The following RPSA2 variants were observed in gnomAD, a reference collection of about 807,000 sequenced individuals.
RPSA2 encodes ribosomal protein SA 2, also known as small ribosomal subunit protein uS2B.
At chr19:23,804,641 C>G in the RPSA2 span, among the ~76,000 whole-genome samples, 4 of 152,140 alleles carry the variant, frequency 2.6e-5, no homozygotes, top group East Asian at 7.7e-4. Context: ...CCAGAGAGAG[C>G]GACATCAGCA....
At chr19:23,818,244 A>AG in the RPSA2 span, 1 of 152,166 alleles carries the variant, frequency 6.6e-6, no homozygotes, top group Admixed American at 6.5e-5. Flanking sequence ...GTTTTTGACA[A>AG]GGAGGGGTAA....
At chr19:23,758,747 C>A in the RPSA2 span, 13 of 1,614,234 alleles carry the variant, frequency 8.1e-6, no homozygotes, top group South Asian at 1.3e-4. Context: ...ACATTCTCAC[C>A]ATTTCTAGGT....
At chr19:23,779,884 C>T in the RPSA2 span, among the ~76,000 whole-genome samples, 1 of 152,140 alleles carries the variant, frequency 6.6e-6, no homozygotes, top group Non-Finnish European at 1.5e-5. Flanking sequence ...AATTGTAACA[C>T]GTCACTGGTT....
At chr19:23,848,197 T>C in the RPSA2 span, among the ~76,000 whole-genome samples, 1 of 152,196 alleles carries the variant, frequency 6.6e-6, no homozygotes, top group Non-Finnish European at 1.5e-5. Flanking sequence ...TGGGAAGTGA[T>C]AAATATCCAT....
At chr19:23,790,126 G>C in the RPSA2 span, among the ~76,000 whole-genome samples, 1 of 151,990 alleles carries the variant, frequency 6.6e-6, no homozygotes, top group East Asian at 1.9e-4. Context: ...AGTCTCCTGA[G>C]TAGCTGGGAT....
chr19:23,826,688 T>C, the RPSA2 span, among the ~76,000 whole-genome samples: 5 of 151,800 alleles, frequency 3.3e-5, no homozygotes, highest in Admixed American at 3.3e-4. Context: ...TATTCCAGAA[T>C]ATATATATAT....
the RPSA2 span, among the ~76,000 whole-genome samples, chr19:23,852,444 G>A: frequency 6.6e-6 from 1 of 152,126 alleles, no homozygotes; most frequent in Non-Finnish European, 1.5e-5. Context: ...ATTTACCTAC[G>A]TATTTACTAA....
At chr19:23,851,239 A>C in the RPSA2 span, among the ~76,000 whole-genome samples, 2 of 152,182 alleles carry the variant, frequency 1.3e-5, no homozygotes, top group Non-Finnish European at 2.9e-5. Context: ...GATTAATACC[A>C]GGTTCCTGAT....
At chr19:23,868,602 A>G in the RPSA2 span, among the ~76,000 whole-genome samples, 2 of 152,258 alleles carry the variant, frequency 1.3e-5, no homozygotes, top group Non-Finnish European at 2.9e-5. Context: ...CCTTGTATGA[A>G]TGGTAAGACT....
At chr19:23,808,292 T>C in the RPSA2 span, among the ~76,000 whole-genome samples, 1 of 150,858 alleles carries the variant, frequency 6.6e-6, no homozygotes, top group African/African-American at 2.4e-5. Context: ...TTTTTGGAGA[T>C]GGAGTCTTGC....
chr19:23,838,207 A>T, the RPSA2 span, among the ~76,000 whole-genome samples: 3 of 151,850 alleles, frequency 2.0e-5, no homozygotes, highest in African/African-American at 7.3e-5. Flanking sequence ...TGATCATGTG[A>T]TTTTTGTTTT....
the RPSA2 span, chr19:23,799,596 G>A: frequency 1.4e-5 from 2 of 144,148 alleles, no homozygotes; most frequent in African/African-American, 5.2e-5. Context: ...GTGGCAGATG[G>A]TAGGAAACAA....
chr19:23,814,587 TAAAC>T, the RPSA2 span, among the ~76,000 whole-genome samples: 1 of 152,248 alleles, frequency 6.6e-6, no homozygotes, highest in Non-Finnish European at 1.5e-5. Context: ...TTTAACATTT[TAAAC>T]AATATTTCTT....
the RPSA2 span, among the ~76,000 whole-genome samples, chr19:23,761,049 T>TAC: frequency 6.2e-4 from 2 of 3,228 alleles, no homozygotes; most frequent in Non-Finnish European, 0.02. Context: ...AGGGTATATA[T>TAC]GTGTATATAT....
the RPSA2 span, among the ~76,000 whole-genome samples, chr19:23,820,966 A>G: frequency 6.6e-6 from 1 of 152,268 alleles, no homozygotes; most frequent in South Asian, 2.1e-4. Context: ...AGATCTCTCC[A>G]GCTTGAGAAT....
the RPSA2 span, among the ~76,000 whole-genome samples, chr19:23,790,225 C>T: frequency 6.6e-6 from 1 of 152,138 alleles, no homozygotes; most frequent in Non-Finnish European, 1.5e-5. Flanking sequence ...CTTGGCACTT[C>T]TGACCTCGTG....
chr19:23,828,370 C>T, the RPSA2 span, among the ~76,000 whole-genome samples: 1 of 142,240 alleles, frequency 7.0e-6, no homozygotes, highest in Admixed American at 7.1e-5. Context: ...TCTTTTGAGT[C>T]TCTGTATACT....
chr19:23,847,322 T>C, the RPSA2 span, among the ~76,000 whole-genome samples: 1 of 152,164 alleles, frequency 6.6e-6, no homozygotes, highest in African/African-American at 2.4e-5. Flanking sequence ...CTCTTTGTAT[T>C]GGGGAAACCC....
the RPSA2 span, among the ~76,000 whole-genome samples, chr19:23,806,984 T>C: frequency 6.6e-6 from 1 of 152,252 alleles, no homozygotes; most frequent in South Asian, 2.1e-4. Context: ...TCAGTAGTGA[T>C]GCTGTGTCCT....
Sources: gnomAD v4.1 joint callset for allele counts (sites outside exome capture counted in the v4.1 genomes callset) on GRCh38, gnomAD v4.1.1 for gene constraint, MANE v1.5 for transcripts, NCBI Gene and HGNC (gene_info 2026-07-23, HGNC 2026-07-21) for gene names.